Variants in PIBF1 observed in about 807,000 individuals in gnomAD.
PIBF1 encodes progesterone immunomodulatory binding factor 1.
Under a neutral mutation model 112.5 loss-of-function variants are expected in PIBF1, and 90 were observed. The observed-to-expected ratio is 0.80, with a 90% CI of 0.67 to 0.95. The LOEUF is 0.95. Ranked by LOEUF, PIBF1 falls within the 40% of genes least tolerant of loss-of-function variation. The probability of loss-of-function intolerance (pLI) is 0.00; values close to 1 mark genes in which losing one functional copy is unlikely to be tolerated. For synonymous variants in PIBF1, 301 were observed against 288.6 expected (o/e 1.04, Z -0.44); for missense variants, 915 against 852.3 (o/e 1.07, Z -0.92).
chr13:72,870,810 A>G (rs1293496234), intron 10 of PIBF1, among the ~76,000 whole-genome samples: 1 of 151,296 alleles, frequency 6.6e-6, no homozygotes, highest in Non-Finnish European at 1.5e-5. Context: ...CTAAATATAG[A>G]AGAAACAAAA....
intron 16 of PIBF1, among the ~76,000 whole-genome samples, chr13:72,983,052 G>A (rs529569009): frequency 7.9e-5 from 12 of 152,266 alleles, no homozygotes; most frequent in Non-Finnish European, 1.5e-4. Context: ...TTTTGGCTGG[G>A]CAGGGTAGCT....
At chr13:72,892,965 C>G (rs2040117862) in intron 10 of PIBF1, among the ~76,000 whole-genome samples, 1 of 152,080 alleles carries the variant, frequency 6.6e-6, no homozygotes, top group Non-Finnish European at 1.5e-5. Context: ...TTTTAAAAAA[C>G]AATATTTTAT....
At chr13:72,970,183 TA>T (rs1455696976) in intron 15 of PIBF1, among the ~76,000 whole-genome samples, 1 of 144,156 alleles carries the variant, frequency 6.9e-6, no homozygotes, top group Non-Finnish European at 1.6e-5. Flanking sequence ...AAGGCTAGAG[TA>T]AATATTCACT....
chr13:72,858,203 C>T (rs1033055566), intron 10 of PIBF1, among the ~76,000 whole-genome samples: 1 of 152,016 alleles, frequency 6.6e-6, no homozygotes, highest in Non-Finnish European at 1.5e-5. Flanking sequence ...AGGCACGTGC[C>T]ACCACACCCG....
chr13:72,919,148 G>C (rs1273797939), intron 13 of PIBF1, among the ~76,000 whole-genome samples: 1 of 151,358 alleles, frequency 6.6e-6, no homozygotes, highest in South Asian at 2.2e-4. Flanking sequence ...TAGAGACATT[G>C]TACACTAAGA....
chr13:72,946,234 C>A (rs1429689648), intron 14 of PIBF1, among the ~76,000 whole-genome samples: 1 of 152,142 alleles, frequency 6.6e-6, no homozygotes, highest in Non-Finnish European at 1.5e-5. Context: ...GCAGCAAGAA[C>A]TGCCAAGCAA....
At chr13:72,986,131 C>A (rs1281104423) in intron 16 of PIBF1, among the ~76,000 whole-genome samples, 2 of 152,032 alleles carry the variant, frequency 1.3e-5, no homozygotes, top group Admixed American at 1.3e-4. Flanking sequence ...CCACTGCACT[C>A]CAGCCTGGGC....
In PIBF1 at chr13:72,817,025, G is replaced by T. The variant is rs111863364; in HGVS notation, c.673-4824G>T. Among the ~76,000 whole-genome samples the T allele has an allele frequency of 6.4e-3, 976 of 152,246 alleles. 18 individuals are homozygous for T. Among genetic ancestry groups the T allele is most frequent in the African/African-American group, 0.022 (913 of 41,552 alleles). On this transcript the variant is annotated intron_variant, in intron 5 of 17. Transcript: ENST00000326291. ...TTAGATTATTGATAATGTGAAACTT[G>T]TGGGAATTCTGACAAGTGAATTCTT...
intron 15 of PIBF1, among the ~76,000 whole-genome samples, chr13:72,968,178 C>T (rs140557076): frequency 0.12 from 17,554 of 151,752 alleles, 2,939 homozygotes; most frequent in African/African-American, 0.37. Context: ...AGCCAGACTC[C>T]GTCTCCAAAA....
At chr13:73,006,108 G>A (rs1454211855) in intron 17 of PIBF1, among the ~76,000 whole-genome samples, 5 of 151,694 alleles carry the variant, frequency 3.3e-5, no homozygotes, top group Non-Finnish European at 5.9e-5. Context: ...TAGTAAAGAC[G>A]GGGTTTCACC....
intron 10 of PIBF1, among the ~76,000 whole-genome samples, chr13:72,866,416 G>T (rs896725641): frequency 7.2e-5 from 11 of 152,016 alleles, no homozygotes; most frequent in Non-Finnish European, 1.2e-4. Flanking sequence ...ATTTTGAAAT[G>T]ATTTAACTAA....
intron 16 of PIBF1, among the ~76,000 whole-genome samples, chr13:72,986,324 A>G (rs2043286596): frequency 6.6e-6 from 1 of 152,188 alleles, no homozygotes; most frequent in Non-Finnish European, 1.5e-5. Context: ...AGAGTGGGGA[A>G]AGTAGTGAGA....
intron 14 of PIBF1, among the ~76,000 whole-genome samples, chr13:72,954,746 C>A (rs2042395251): frequency 1.3e-5 from 2 of 152,178 alleles, no homozygotes; most frequent in African/African-American, 4.8e-5. Context: ...TAGGCTGCTG[C>A]CACCACTTCT....
chr13:72,809,846 C>G (rs2035925426), intron 5 of PIBF1, among the ~76,000 whole-genome samples: 1 of 152,064 alleles, frequency 6.6e-6, no homozygotes, highest in Non-Finnish European at 1.5e-5. Context: ...GCCCTGGCCT[C>G]TCTAAGTGCT....
chr13:72,856,345 A>G (rs2038421973), intron 10 of PIBF1, among the ~76,000 whole-genome samples: 1 of 152,158 alleles, frequency 6.6e-6, no homozygotes, highest in Admixed American at 6.5e-5. Context: ...AAACTGGAAA[A>G]CCTCATTTTC....
intron 12 of PIBF1, among the ~76,000 whole-genome samples, chr13:72,910,111 T>C (rs998584162): frequency 6.6e-6 from 1 of 152,202 alleles, no homozygotes; most frequent in Non-Finnish European, 1.5e-5. Context: ...CTGTATTTAC[T>C]TGTAGGCCAA....
intron 11 of PIBF1, among the ~76,000 whole-genome samples, chr13:72,902,014 G>GTGTGTGTGTGTGTGTGTGTGTGTA (rs1190434925): frequency 7.4e-6 from 1 of 135,414 alleles, no homozygotes; most frequent in Non-Finnish European, 1.6e-5. Context: ...ATATGTGTGT[G>GTGTGTGTGTGTGTGTGTGTGTGTA]TGTGTGTGTA....
intron 2 of PIBF1, among the ~76,000 whole-genome samples, chr13:72,788,437 A>G (rs983220812): frequency 6.6e-6 from 1 of 152,196 alleles, no homozygotes; most frequent in Non-Finnish European, 1.5e-5. Context: ...AAAAATAGGT[A>G]TTTTAGTAGA....
At chr13:72,886,914 T>C (rs2138529710) in intron 10 of PIBF1, among the ~76,000 whole-genome samples, 1 of 152,216 alleles carries the variant, frequency 6.6e-6, no homozygotes, top group East Asian at 1.9e-4. Context: ...TCACGTTCTT[T>C]AGTCATCATT....
Sources: allele counts gnomAD v4.1 joint callset (sites outside exome capture counted in the v4.1 genomes callset), GRCh38; gene constraint gnomAD v4.1.1; transcripts MANE v1.5; gene names NCBI Gene and HGNC (gene_info 2026-07-23, HGNC 2026-07-21).